Variants in USH2A observed in about 807,000 individuals in gnomAD.
USH2A encodes Usher syndrome 2A (autosomal recessive, mild).
In USH2A, 443 loss-of-function variants were observed where a neutral mutation model predicts 538.9. The observed-to-expected ratio is 0.82, with a 90% CI of 0.76 to 0.89. USH2A has a LOEUF of 0.89. Ranked by LOEUF, USH2A falls within the 40% of genes least tolerant of loss-of-function variation. USH2A has a pLI of 0.00. For missense variants in USH2A, 6,633 were observed against 6,324.8 expected (o/e 1.05, Z -1.65); for synonymous variants, 2,413 against 2,273.5 (o/e 1.06, Z -1.75).
At chr1:216,020,286 G>A (rs997751570) in intron 32 of USH2A, among the ~76,000 whole-genome samples, 2 of 152,098 alleles carry the variant, frequency 1.3e-5, no homozygotes, top group Admixed American at 1.3e-4. Flanking sequence ...TTGCTATAAA[G>A]TTATTATTTA....
intron 64 of USH2A, among the ~76,000 whole-genome samples, chr1:215,653,152 C>T (rs1041314215): frequency 6.6e-6 from 1 of 152,126 alleles, no homozygotes; most frequent in Non-Finnish European, 1.5e-5. Flanking sequence ...ATGGTAGTGT[C>T]GTAGATTGTA....
At chr1:215,793,397 C>T (rs1662036666) in intron 50 of USH2A, among the ~76,000 whole-genome samples, 1 of 152,036 alleles carries the variant, frequency 6.6e-6, no homozygotes, top group Non-Finnish European at 1.5e-5. Context: ...TGTGATTAGT[C>T]ATCCTTAGGA....
intron 21 of USH2A, among the ~76,000 whole-genome samples, chr1:216,135,162 T>A (rs61826894): frequency 0.022 from 1,298 of 58,504 alleles, 17 homozygotes; most frequent in East Asian, 0.053. Flanking sequence ...TCTCTCTCTC[T>A]CTCTCACACA....
chr1:215,639,755 C>CACCT (rs1656615158), intron 68 of USH2A, among the ~76,000 whole-genome samples: 1 of 152,198 alleles, frequency 6.6e-6, no homozygotes, highest in African/African-American at 2.4e-5. Context: ...ACCATCAGGC[C>CACCT]ACCTTCCTTT....
chr1:215,708,343 G>T (rs916105795), intron 61 of USH2A, among the ~76,000 whole-genome samples: 1 of 152,154 alleles, frequency 6.6e-6, no homozygotes, highest in African/African-American at 2.4e-5. Flanking sequence ...TATATTAGAT[G>T]CATACACATA....
intron 40 of USH2A, among the ~76,000 whole-genome samples, chr1:215,893,814 C>T (rs1665262896): frequency 6.6e-6 from 1 of 152,088 alleles, no homozygotes; most frequent in Non-Finnish European, 1.5e-5. Flanking sequence ...TTTGATTAAT[C>T]AATCCATCCT....
At position 216,103,935 on chromosome 1, in the gene USH2A, T is replaced by C. The variant is rs531459903; in HGVS notation, c.4628-6722A>G. Among the ~76,000 whole-genome samples the C allele has an allele frequency of 2.6e-5, 4 of 152,282 alleles. No individual in the cohort carries two copies. In the East Asian group the frequency reaches 7.7e-4, roughly 29 times the overall value. Reference sequence around the variant, plus strand: ...TGAATAGGTGATGCAATGGAAACTCTCATACATGCTAATGTAAAGGCAAAA... The same window carrying C: ...TGAATAGGTGATGCAATGGAAACTCCCATACATGCTAATGTAAAGGCAAAA... On this transcript the variant is annotated intron_variant, in intron 21 of 71. Transcript: ENST00000307340.
At chr1:216,217,729 G>T (rs2035370932) in intron 14 of USH2A, among the ~76,000 whole-genome samples, 179 bp from the exon 15 acceptor site, 1 of 151,936 alleles carries the variant, frequency 6.6e-6, no homozygotes, top group Non-Finnish European at 1.5e-5. Context: ...AAATAGAAAA[G>T]ATCTTTATAA....
At chr1:216,268,596 G>C (rs1414240233) in intron 11 of USH2A, among the ~76,000 whole-genome samples, 1 of 152,116 alleles carries the variant, frequency 6.6e-6, no homozygotes, top group Non-Finnish European at 1.5e-5. Context: ...GGCAGTACTT[G>C]CAAAGTGAAA....
Position 215,628,957 on chromosome 1 carries a change from T to G in USH2A, c.15376A>C (p.Ile5126Leu), listed in dbSNP as rs1027282224. 6.2e-7 allele frequency: 1 copy of G among 1,614,102 alleles called. No individual in the cohort carries two copies. The highest frequency in any genetic ancestry group is 8.5e-7 in the Non-Finnish European group (1 of 1,180,040). Residue 5126 changes from isoleucine to leucine, a missense_variant, in exon 71 of 72, where the codon ATC becomes CTC. Ile to Leu is a conservative substitution (Grantham distance 5, BLOSUM62 2). Transcript: ENST00000307340. ...AGGCTGGTTTGGTTTTGACTCGGGA[T>G]GCGCAGGACACATGCACTCCGGTTG... Reference protein sequence around the residue: ...RSNRSACVLRIPSQNQTSLTY... With the variant: ...RSNRSACVLRLPSQNQTSLTY...
chr1:216,397,915 A>T (rs929261812), intron 3 of USH2A, among the ~76,000 whole-genome samples: 1 of 152,172 alleles, frequency 6.6e-6, no homozygotes, highest in African/African-American at 2.4e-5. Context: ...TTTCATACAC[A>T]CACAGACATG....
intron 61 of USH2A, among the ~76,000 whole-genome samples, chr1:215,703,851 A>T (rs1184244990): frequency 2.3e-5 from 3 of 129,826 alleles, no homozygotes; most frequent in Non-Finnish European, 5.2e-5. Context: ...TCCAGGTGCC[A>T]CTGGGGTATG....
intron 61 of USH2A, among the ~76,000 whole-genome samples, chr1:215,719,555 A>G (rs1399732816): frequency 6.6e-6 from 1 of 152,188 alleles, no homozygotes; most frequent in African/African-American, 2.4e-5. Flanking sequence ...TTTTTCACTC[A>G]TGACCAAATT....
At chr1:215,859,885 A>G (rs1344079836) in intron 44 of USH2A, among the ~76,000 whole-genome samples, 1 of 152,140 alleles carries the variant, frequency 6.6e-6, no homozygotes, top group East Asian at 1.9e-4. Flanking sequence ...ACCAAACCTC[A>G]TGTGACCTCC....
rs1427064230 is a variant in USH2A, at chr1:215,969,245, T to C, written c.6957+1380A>G. 3.9e-5 allele frequency among the ~76,000 whole-genome samples: 6 copies of C among 152,214 alleles called. No homozygotes were observed. The South Asian group carries it at 6.2e-4, about 16-fold the overall frequency. The stretch of plus-strand genomic sequence containing the variant: ...TAAAGAAAAGTACCAAGGGAGAAAA[T>C]AACTCTGTGCTGTAAGTCAGGATTG... On this transcript the variant is annotated intron_variant, in intron 36 of 71. Transcript: ENST00000307340.
At chr1:216,405,078 A>G (rs922492091) in intron 3 of USH2A, among the ~76,000 whole-genome samples, 2 of 152,194 alleles carry the variant, frequency 1.3e-5, no homozygotes, top group African/African-American at 4.8e-5. Context: ...CTGGTCTCGA[A>G]GTCCTGGGCT....
chr1:215,880,031 A>G (rs893400510), intron 41 of USH2A, among the ~76,000 whole-genome samples: 2 of 152,204 alleles, frequency 1.3e-5, no homozygotes, highest in Non-Finnish European at 2.9e-5. Flanking sequence ...ACATTCACTT[A>G]GTACCATGTG....
rs377327664 is a variant in USH2A at position 216,085,067 on chromosome 1, T to C, written c.4988-190A>G. ...AAATGATAGCAATTATAATGTTTAGTGCTGGTTCAAACCCATCATATCTGC... is the reference window on the plus strand; with the variant it reads ...AAATGATAGCAATTATAATGTTTAGCGCTGGTTCAAACCCATCATATCTGC... On this transcript the variant is annotated intron_variant, in intron 24 of 71. Coordinates refer to ENST00000307340, the MANE Select transcript of USH2A (RefSeq NM_206933.4). 1.3e-5 allele frequency: 8 copies of C among 623,468 alleles called. No individual in the cohort carries two copies. In the African/African-American group the frequency reaches 1.3e-4, roughly 10 times the overall value. The allele number at this position is 623,468 out of a possible 1,614,324, so 38.6% of individuals were successfully genotyped here.
intron 21 of USH2A, among the ~76,000 whole-genome samples, chr1:216,118,806 G>T (rs975006295): frequency 6.6e-6 from 1 of 152,178 alleles, no homozygotes; most frequent in Non-Finnish European, 1.5e-5. Flanking sequence ...CATCCTGTCA[G>T]CCACCCATTA....
Sources: gnomAD v4.1 joint callset for allele counts (sites outside exome capture counted in the v4.1 genomes callset) on GRCh38, gnomAD v4.1.1 for gene constraint, MANE v1.5 for transcripts, NCBI Gene and HGNC (gene_info 2026-07-23, HGNC 2026-07-21) for gene names.